GPHN: variants seen among roughly 807,000 people sequenced by gnomAD.
The protein encoded by GPHN is gephyrin.
In GPHN, 17 loss-of-function variants were observed where a neutral mutation model predicts 95.5. The observed-to-expected ratio is 0.18, with a 90% CI of 0.12 to 0.27. GPHN has a LOEUF of 0.27. GPHN is among the 10% of genes least tolerant of loss of function. GPHN has a pLI of 1.00. For missense variants in GPHN, 660 were observed against 978.1 expected, an observed-to-expected ratio of 0.67 and a Z score of 4.34; for synonymous variants, 320 against 322.5, an observed-to-expected ratio of 0.99 and a Z score of 0.08.
rs1254497459 is a variant in GPHN, at chr14:66,990,407, T to TA, written c.963+25083dup. ...ATGAAAGAGTCAGAACCATGTTCCT[T>TA]ATACAATTGTATAATTTTCTGAGGA... is the stretch of plus-strand genomic sequence containing the variant. On this transcript the variant is annotated intron_variant, in intron 9 of 22. Coordinates refer to ENST00000478722, the MANE Select transcript of GPHN (RefSeq NM_020806.5). Among the ~76,000 whole-genome samples, 10 of 152,292 alleles carry TA rather than the reference T, an allele frequency of 6.6e-5. No homozygotes were observed. The East Asian group carries it at 1.2e-3, about 18-fold the overall frequency.
the GPHN span, among the ~76,000 whole-genome samples, chr14:67,482,817 G>A: frequency 6.6e-6 from 1 of 152,240 alleles, no homozygotes; most frequent in Non-Finnish European, 1.5e-5. Flanking sequence ...TCTTGCTGTG[G>A]GTGCCCCCCA....
chr14:66,908,846 CAA>C (rs111376119), intron 5 of GPHN, among the ~76,000 whole-genome samples: 5 of 121,376 alleles, frequency 4.1e-5, no homozygotes, highest in Admixed American at 8.5e-5. Context: ...GGGCATTCTG[CAA>C]AAAAAAAAAA....
At chr14:67,573,382 C>T in the GPHN span, 11 of 1,585,242 alleles carry the variant, frequency 6.9e-6, no homozygotes, top group African/African-American at 1.3e-4. The surrounding 1 kb of genome is among the most constrained non-coding windows in gnomAD (Gnocchi z 4.8). Flanking sequence ...TACTACAAGT[C>T]CCCGGTGAGA....
chr14:66,514,906 A>G (rs2139726899), intron 1 of GPHN, among the ~76,000 whole-genome samples: 1 of 152,250 alleles, frequency 6.6e-6, no homozygotes, highest in Non-Finnish European at 1.5e-5. Context: ...TAAAAAGGAT[A>G]GAACTTTGGA....
chr14:66,583,548 G>C (rs1399603844), intron 1 of GPHN, among the ~76,000 whole-genome samples: 2 of 151,986 alleles, frequency 1.3e-5, no homozygotes, highest in African/African-American at 2.4e-5. Flanking sequence ...AATCCATCTT[G>C]AATTAATTTT....
the GPHN span, among the ~76,000 whole-genome samples, chr14:67,632,802 C>T: frequency 1.4e-5 from 2 of 144,260 alleles, no homozygotes; most frequent in African/African-American, 5.1e-5. Context: ...AGAATTAAGC[C>T]TCTTAATTTT....
At chr14:66,968,787 G>T (rs61163882) in intron 9 of GPHN, among the ~76,000 whole-genome samples, 2 of 152,042 alleles carry the variant, frequency 1.3e-5, no homozygotes, top group Non-Finnish European at 2.9e-5. Flanking sequence ...TGAGCAAGTA[G>T]ACATTGTTCC....
chr14:66,549,295 C>G (rs1469590310), intron 1 of GPHN, among the ~76,000 whole-genome samples: 1 of 152,122 alleles, frequency 6.6e-6, no homozygotes, highest in African/African-American at 2.4e-5. Flanking sequence ...TAAAGTGCTA[C>G]TCCAGTGAAT....
chr14:66,632,702 A>G (rs144443352), intron 1 of GPHN, among the ~76,000 whole-genome samples: 16 of 152,074 alleles, frequency 1.1e-4, no homozygotes, highest in African/African-American at 3.4e-4. Context: ...CTTGTTGGCC[A>G]GGCTGGTCTC....
the GPHN span, among the ~76,000 whole-genome samples, chr14:67,332,100 T>C: frequency 6.6e-6 from 1 of 152,206 alleles, no homozygotes; most frequent in Admixed American, 6.5e-5. Flanking sequence ...CATTTTGTCT[T>C]GAGTTTAAGT....
chr14:66,610,594 G>A (rs949671200), intron 1 of GPHN, among the ~76,000 whole-genome samples: 3 of 152,046 alleles, frequency 2.0e-5, no homozygotes, highest in Admixed American at 2.0e-4. Context: ...TTTTGTTATT[G>A]CCATTGAAAT....
chr14:67,581,515 G>C, the GPHN span: 26 of 167,474 alleles, frequency 1.6e-4, no homozygotes, highest in Non-Finnish European at 1.3e-5. Context: ...AACAGAGTGA[G>C]ACCCTGCCTC....
intron 8 of GPHN, among the ~76,000 whole-genome samples, chr14:66,943,496 T>A (rs376807451): frequency 1.6e-4 from 25 of 152,154 alleles, no homozygotes; most frequent in Non-Finnish European, 8.8e-5. Flanking sequence ...CAAAAAGCAG[T>A]TTATAAACTT....
intron 1 of GPHN, among the ~76,000 whole-genome samples, chr14:66,536,515 G>C (rs2059150977): frequency 7.3e-6 from 1 of 136,660 alleles, no homozygotes; most frequent in Non-Finnish European, 1.5e-5. Flanking sequence ...GCCTGTAATA[G>C]TCCTTTATTA....
chr14:67,118,384 A>G (rs1407068173), intron 16 of GPHN, among the ~76,000 whole-genome samples: 2 of 152,162 alleles, frequency 1.3e-5, no homozygotes, highest in Non-Finnish European at 2.9e-5. Flanking sequence ...ATAAAGTTTG[A>G]TATATAAATT....
At chr14:66,549,230 CA>C (rs1339290326) in intron 1 of GPHN, among the ~76,000 whole-genome samples, 1 of 151,960 alleles carries the variant, frequency 6.6e-6, no homozygotes, top group African/African-American at 2.4e-5. Flanking sequence ...TTGTGTGTCA[CA>C]GGGGGTTGGT....
the GPHN span, among the ~76,000 whole-genome samples, chr14:67,234,345 T>C: frequency 4.6e-5 from 7 of 151,902 alleles, no homozygotes; most frequent in South Asian, 4.2e-4. Flanking sequence ...TTCCAGTGAG[T>C]TGGGAAGGGA....
chr14:66,519,525 T>C (rs1373499093), intron 1 of GPHN, among the ~76,000 whole-genome samples: 1 of 152,124 alleles, frequency 6.6e-6, no homozygotes, highest in African/African-American at 2.4e-5. Flanking sequence ...TTTTTTTGCT[T>C]CTTAAGATTC....
At chr14:66,669,519 C>T (rs959942098) in intron 1 of GPHN, among the ~76,000 whole-genome samples, 1 of 151,178 alleles carries the variant, frequency 6.6e-6, no homozygotes, top group African/African-American at 2.4e-5. Flanking sequence ...TAAATGTATC[C>T]TATCCTTTTA....
Sources: gnomAD v4.1 joint callset for allele counts (sites outside exome capture counted in the v4.1 genomes callset) on GRCh38, gnomAD v4.1.1 for gene constraint, Gnocchi (gnomAD v3.1) non-coding constraint, MANE v1.5 for transcripts, NCBI Gene and HGNC (gene_info 2026-07-23, HGNC 2026-07-21) for gene names.